Variants in PHYH observed in about 807,000 individuals in gnomAD.
PHYH encodes phytanoyl-CoA 2-hydroxylase.
Under a neutral mutation model 38.5 loss-of-function variants are expected in PHYH, and 32 were observed. That is an observed-to-expected ratio of 0.83 (90% CI 0.63 to 1.12). PHYH has a LOEUF of 1.12. Ranked by LOEUF, PHYH falls within the 50% of genes most tolerant of loss-of-function variation. The pLI is 0.00. For missense variants in PHYH, 426 were observed against 434.8 expected (o/e 0.98, Z 0.18); for synonymous variants, 166 against 157.9 (o/e 1.05, Z -0.38).
At chr10:13,285,786 T>A (rs1835534506) in intron 6 of PHYH, among the ~76,000 whole-genome samples, 1 of 151,732 alleles carries the variant, frequency 6.6e-6, no homozygotes, top group Non-Finnish European at 1.5e-5. Flanking sequence ...GTATTTTTAG[T>A]AGAGACAGGG....
chr10:13,279,170 A>G (rs527387549), intron 8 of PHYH, among the ~76,000 whole-genome samples: 3 of 151,998 alleles, frequency 2.0e-5, no homozygotes, highest in Non-Finnish European at 4.4e-5. Context: ...GGCTAATTTT[A>G]TATTTTTAGT....
chr10:13,299,507 T>TGGCCAGCTCCTGCCC, intron 1 of PHYH: 1 of 1,004,470 alleles, frequency 1.0e-6, no homozygotes, highest in Non-Finnish European at 1.2e-6. Context: ...AGCGCCTGCC[T>TGGCCAGCTCCTGCCC]GGCCAGCTCC....
chr10:13,300,028 G>A lies in PHYH; in HGVS notation c.15C>T (p.Arg5=). 6.5e-7 allele frequency: 1 copy of A among 1,531,760 alleles called. No homozygotes were observed. Among genetic ancestry groups the A allele is most frequent in the South Asian group, 1.2e-5 (1 of 83,114 alleles). The allele number at this position is 1,531,760 out of a possible 1,614,324, so 94.9% of individuals were successfully genotyped here. ...GAACAATCTGCAGACGGGCGGCGGC[G>A]CGAAGCTGCTCCATGGCTGCGGCGC... is the stretch of plus-strand genomic sequence containing the variant. MEQL[R]AAARLQIVLG... The change falls in exon 1 of 9, where the codon CGC becomes CGT. Residue 5 remains arginine, a synonymous_variant. Transcript: ENST00000263038.
intron 5 of PHYH, among the ~76,000 whole-genome samples, chr10:13,289,347 C>T (rs1480248228): frequency 6.6e-6 from 1 of 152,096 alleles, no homozygotes; most frequent in Non-Finnish European, 1.5e-5. Flanking sequence ...AGGCGCCCGC[C>T]ACCACGCCCG....
intron 7 of PHYH, among the ~76,000 whole-genome samples, chr10:13,282,079 G>A (rs1310308493): frequency 6.6e-6 from 1 of 151,766 alleles, no homozygotes; most frequent in Non-Finnish European, 1.5e-5. Context: ...GACCATGTCT[G>A]TACAAAAAAT....
At position 13,288,360 on chromosome 10, in the gene PHYH, C is replaced by T; in HGVS notation, c.678G>A (p.Glu226=). ...AGACTCAGCCGCCGGGCAGACCTACCTCCCACTTGGGGTAATCGTGGGGCT... is the reference window on the plus strand; with the variant it reads ...AGACTCAGCCGCCGGGCAGACCTACTTCCCACTTGGGGTAATCGTGGGGCT... ...SLKPHDYPKW[E]GGVNKMFHGI... is the part of the protein sequence containing the mutation. The change falls in exon 6 of 9, where the codon GAG becomes GAA. Residue 226 remains glutamate (E), a splice_region_variant and synonymous_variant. Transcript: ENST00000263038. 6.2e-7 allele frequency: 1 copy of T among 1,613,510 alleles called. No individual in the cohort carries two copies. The highest frequency in any genetic ancestry group is 8.5e-7 in the Non-Finnish European group (1 of 1,179,898).
At chr10:13,298,718 CACTACTACT>C (rs56043624) in intron 1 of PHYH, among the ~76,000 whole-genome samples, 16 of 93,440 alleles carry the variant, frequency 1.7e-4, no homozygotes, top group Middle Eastern at 4.8e-3. Context: ...AAACTACCAC[CACTACTACT>C]ACTACTACTA....
chr10:13,298,111 G>A, intron 2 of PHYH, 76 bp downstream of exon 2: 1 of 833,254 alleles, frequency 1.2e-6, no homozygotes, highest in Non-Finnish European at 2.1e-6. Context: ...AACATATTAT[G>A]TGGTATATCT....
chr10:13,294,322 C>A, intron 4 of PHYH, 106 bp downstream of exon 4: 1 of 1,002,918 alleles, frequency 1.0e-6, no homozygotes, highest in Non-Finnish European at 1.6e-6. Context: ...TCCCACAGTG[C>A]TCGGATTACA....
Position 13,278,091 on chromosome 10 carries a change from A to C in PHYH, c.*210T>G, listed in dbSNP as rs1172662630. ...ACCCTAAATTAGTTTTCCTTAAAAC[A>C]GTAATATTTCACTTTTACTGTTTTT... On this transcript the variant is annotated 3_prime_UTR_variant, in exon 9 of 9. Transcript: ENST00000263038. The C allele has an allele frequency of 3.7e-6, 2 of 547,172 alleles. No homozygotes were observed. Among genetic ancestry groups the C allele is most frequent in the Non-Finnish European group, 6.5e-6 (2 of 308,324 alleles). 33.9% of individuals were successfully genotyped at this position (547,172 alleles called of 1,614,324 possible).
chr10:13,298,295 G>A (rs753217778), intron 1 of PHYH, 50 bp from the exon 2 acceptor site: 2 of 1,113,098 alleles, frequency 1.8e-6, no homozygotes, highest in Non-Finnish European at 1.4e-6. Flanking sequence ...GGCCAGGCAC[G>A]GTGGCTCATG....
chr10:13,299,129 C>CAA (rs34019384), intron 1 of PHYH, among the ~76,000 whole-genome samples: 43,587 of 125,834 alleles, frequency 0.35, 9,928 homozygotes, highest in East Asian at 0.66. Flanking sequence ...GGCCCTGTTT[C>CAA]AAAAAAAAAA....
In PHYH at chr10:13,298,724, T is replaced by TACTACC. The variant is rs1326407414; in HGVS notation, c.76-480_76-479insGGTAGT. ...TCAGAAAAAAAACTACCACCACTAC[T>TACTACC]ACTACTACTACTACTACTACTACTA... On this transcript the variant is annotated intron_variant, in intron 1 of 8. Transcript: ENST00000263038. Among the ~76,000 whole-genome samples, 5 of 82,666 alleles carry TACTACC rather than the reference T, an allele frequency of 6.0e-5. No homozygotes were observed. In the East Asian group the frequency reaches 2.0e-3, roughly 34 times the overall value. The allele number at this position is 82,666 out of a possible 152,430, so 54.2% of individuals were successfully genotyped here. A position where few individuals can be genotyped will look rare whatever the true frequency, so the allele number is the denominator to read the frequency against.
chr10:13,299,529 G>A, intron 1 of PHYH: 1 of 1,006,958 alleles, frequency 9.9e-7, no homozygotes, highest in Non-Finnish European at 1.2e-6. Context: ...GCCCGGGAGG[G>A]CACCGTCCTC....
In PHYH at chr10:13,295,502, C is replaced by G; in HGVS notation, c.239G>C (p.Arg80Pro). The change falls in exon 3 of 9, where the codon CGC (arginine) becomes CCC (proline). Residue 80 changes from arginine to proline, a missense_variant. Coordinates refer to ENST00000263038, the MANE Select transcript of PHYH (RefSeq NM_006214.4). ...KNLVPDADIQRFRNEFEKICR... is the reference protein window; with the variant it reads ...KNLVPDADIQPFRNEFEKICR... ...ACAAATAGTGTTACTGTACCGAAAG[C>G]GTTGAATATCGGCATCAGGTACAAG... 1 of 1,457,340 alleles carries G rather than the reference C, an allele frequency of 6.9e-7. No individual in the cohort carries two copies. Among genetic ancestry groups the G allele is most frequent in the East Asian group, 2.3e-5 (1 of 44,186 alleles). The allele number at this position is 1,457,340 out of a possible 1,614,324, so 90.3% of individuals were successfully genotyped here.
intron 4 of PHYH, among the ~76,000 whole-genome samples, chr10:13,292,139 T>A (rs970965961): frequency 6.6e-6 from 1 of 152,156 alleles, no homozygotes; most frequent in Non-Finnish European, 1.5e-5. Context: ...TAGCTGGGAA[T>A]GAAACCATTT....
intron 8 of PHYH, among the ~76,000 whole-genome samples, chr10:13,280,274 C>T (rs1228124617): frequency 6.6e-6 from 1 of 151,792 alleles, no homozygotes; most frequent in Non-Finnish European, 1.5e-5. Flanking sequence ...GCCATAAATA[C>T]TCTATTCTAT....
At position 13,294,494 on chromosome 10, in the gene PHYH, C is replaced by A. The variant is rs1222538658; in HGVS notation, c.348G>T (p.Lys116Asn). Residue 116 changes from lysine to asparagine, a missense_variant, in exon 4 of 9, where the codon AAG (lysine) becomes AAT (asparagine). Physicochemically the swap from Lys to Asn is moderately conservative, Grantham distance 94 (BLOSUM62 0). Coordinates refer to ENST00000263038, the MANE Select transcript of PHYH (RefSeq NM_006214.4). ...GGAAATCCTGGACCTTCGTGATCAT[C>A]TTCTCACTTGGAGCATATTCGGATT... ...ISKSEYAPSE[K>N]MITKVQDFQE... 6.2e-7 allele frequency: 1 copy of A among 1,614,030 alleles called. No individual in the cohort carries two copies. The highest frequency in any genetic ancestry group is 8.5e-7 in the Non-Finnish European group (1 of 1,180,000).
At position 13,277,948 on chromosome 10, in the gene PHYH, G is replaced by T. The variant is rs530923498; in HGVS notation, c.*353C>A. 1 of 330,066 alleles carries T rather than the reference G, an allele frequency of 3.0e-6. No individual in the cohort carries two copies. 20.4% of individuals were successfully genotyped at this position (330,066 alleles called of 1,614,324 possible). ...GTAGGGAATGGGTTTATCAGAAAGG[G>T]GATACAAAACATACCCTAAGCTCCA... On this transcript the variant is annotated 3_prime_UTR_variant, in exon 9 of 9. Coordinates refer to ENST00000263038, the MANE Select transcript of PHYH (RefSeq NM_006214.4).
Sources: gnomAD v4.1 joint callset for allele counts (sites outside exome capture counted in the v4.1 genomes callset) on GRCh38, gnomAD v4.1.1 for gene constraint, MANE v1.5 for transcripts, NCBI Gene and HGNC (gene_info 2026-07-23, HGNC 2026-07-21) for gene names.